Variants in GREB1L observed in about 807,000 individuals in gnomAD.
GREB1L encodes GREB1-like protein.
GREB1L carries 17 observed loss-of-function variants against 200.8 expected under a neutral mutation model. The ratio of observed to expected loss-of-function variants is 0.08; its 90% CI spans 0.06 to 0.13. GREB1L has a LOEUF of 0.13. Ranked by LOEUF, GREB1L falls within the 10% of genes least tolerant of loss-of-function variation. GREB1L has a pLI of 1.00. For synonymous variants in GREB1L, 789 were observed against 893.0 expected (o/e 0.88, Z 2.08); for missense variants, 1,657 against 2,367.7 (o/e 0.70, Z 6.23).
In GREB1L at chr18:21,312,847, C is replaced by T. The variant is rs142749803; in HGVS notation, c.-119-53180C>T. On this transcript the variant is annotated intron_variant, in intron 1 of 32. Coordinates refer to ENST00000424526, the MANE Select transcript of GREB1L (RefSeq NM_001142966.3). The stretch of plus-strand genomic sequence containing the variant: ...GATTACAGGTGTGAGCCACTGCACC[C>T]GGTCCAGTAATAACCATTCTGACTG... Among the ~76,000 whole-genome samples, 428 of 152,274 alleles carry T rather than the reference C, an allele frequency of 2.8e-3. 3 individuals are homozygous for T. Among genetic ancestry groups the T allele is most frequent in the African/African-American group, 9.7e-3 (405 of 41,556 alleles).
chr18:21,348,250 G>A (rs1229956837), intron 1 of GREB1L, among the ~76,000 whole-genome samples: 1 of 151,772 alleles, frequency 6.6e-6, no homozygotes. Flanking sequence ...TGGCTTGCTT[G>A]ACTCTTAAAT....
rs150662520 is a variant in GREB1L at position 21,319,913 on chromosome 18, G to A, written c.-119-46114G>A. Reference sequence around the variant, plus strand: ...CTAAAGAAAAAGCAAGGTGGTTGGAGCTAAATAAGGAATGCCCACAGAAAT... The same window carrying A: ...CTAAAGAAAAAGCAAGGTGGTTGGAACTAAATAAGGAATGCCCACAGAAAT... On this transcript the variant is annotated intron_variant, in intron 1 of 32. Transcript: ENST00000424526. 3.9e-5 allele frequency among the ~76,000 whole-genome samples: 6 copies of A among 152,330 alleles called. No individual in the cohort carries two copies. The East Asian group carries it at 1.2e-3, about 29-fold the overall frequency.
intron 1 of GREB1L, among the ~76,000 whole-genome samples, chr18:21,294,846 T>C (rs1598636792): frequency 6.6e-6 from 1 of 151,946 alleles, no homozygotes; most frequent in Non-Finnish European, 1.5e-5. Context: ...GACTGGAGAG[T>C]CAGGATTTGA....
At chr18:21,309,325 A>C (rs1273304079) in intron 1 of GREB1L, among the ~76,000 whole-genome samples, 1 of 152,222 alleles carries the variant, frequency 6.6e-6, no homozygotes, top group African/African-American at 2.4e-5. Context: ...CAGAAGACAC[A>C]GTATCAGGCA....
rs540168667 is a variant in GREB1L at position 21,378,248 on chromosome 18, T to C, written c.-9-5262T>C. Among the ~76,000 whole-genome samples the C allele has an allele frequency of 2.0e-5, 3 of 152,310 alleles. No homozygotes were observed. The South Asian group carries it at 6.2e-4, about 32-fold the overall frequency. On this transcript the variant is annotated intron_variant, in intron 2 of 32. Transcript: ENST00000424526. Reference sequence around the variant, plus strand: ...ATGGCATATGACATTTAGAATATATTACACAGACGTCCTTTGAACTCCACC... The same window carrying C: ...ATGGCATATGACATTTAGAATATATCACACAGACGTCCTTTGAACTCCACC...
At chr18:21,497,820 C>CG (rs1392626918) in intron 21 of GREB1L, among the ~76,000 whole-genome samples, 3 of 96,570 alleles carry the variant, frequency 3.1e-5, no homozygotes, top group Admixed American at 1.0e-4. Context: ...CACCCCCCCC[C>CG]CTTTTTTTTT....
chr18:21,259,304 T>C (rs1189935247), intron 1 of GREB1L, among the ~76,000 whole-genome samples: 1 of 152,214 alleles, frequency 6.6e-6, no homozygotes, highest in East Asian at 1.9e-4. Flanking sequence ...TTAAAAATAA[T>C]TTTCTCATAA....
At chr18:21,242,770 G>C (rs1251133803) in intron 1 of GREB1L, among the ~76,000 whole-genome samples, 2 of 152,110 alleles carry the variant, frequency 1.3e-5, no homozygotes, top group African/African-American at 4.8e-5. Flanking sequence ...GAGCTGCGGC[G>C]CGCCGAGTAG....
At chr18:21,340,624 C>A (rs1172629994) in intron 1 of GREB1L, among the ~76,000 whole-genome samples, 3 of 151,788 alleles carry the variant, frequency 2.0e-5, no homozygotes, top group Non-Finnish European at 4.4e-5. Context: ...CTCACTGCAA[C>A]CTCTGCCTCC....
intron 7 of GREB1L, among the ~76,000 whole-genome samples, chr18:21,430,860 T>C (rs913965698): frequency 1.3e-5 from 2 of 151,560 alleles, no homozygotes; most frequent in Non-Finnish European, 2.9e-5. Flanking sequence ...CCTCCCAAAG[T>C]GCTGGGATTA....
intron 19 of GREB1L, among the ~76,000 whole-genome samples, chr18:21,494,211 G>A (rs1039325735): frequency 6.6e-6 from 1 of 152,104 alleles, no homozygotes; most frequent in African/African-American, 2.4e-5. Flanking sequence ...TAAAACACGG[G>A]AAGTCTGTGA....
chr18:21,398,679 T>G (rs750483111), intron 5 of GREB1L, among the ~76,000 whole-genome samples: 1 of 152,238 alleles, frequency 6.6e-6, no homozygotes. Flanking sequence ...ATGTTTAAGC[T>G]TCCACTATTC....
rs906816315 is a variant in GREB1L at position 21,525,444 on chromosome 18, T to A, written c.*2623T>A. ...AAAAAGTTATTTTTTCTTTATAGTT[T>A]TCTGGCATGTTTGTTAAGAAAACAA... On this transcript the variant is annotated 3_prime_UTR_variant, in exon 33 of 33. Coordinates refer to ENST00000424526, the MANE Select transcript of GREB1L (RefSeq NM_001142966.3). 1 of 152,182 alleles carries A rather than the reference T, an allele frequency of 6.6e-6. No homozygotes were observed. Among genetic ancestry groups the A allele is most frequent in the Non-Finnish European group, 1.5e-5 (1 of 68,030 alleles). 9.4% of individuals were successfully genotyped at this position (152,182 alleles called of 1,614,324 possible).
chr18:21,493,258 G>T (rs1487458222), intron 19 of GREB1L, among the ~76,000 whole-genome samples: 2 of 152,140 alleles, frequency 1.3e-5, no homozygotes, highest in Non-Finnish European at 2.9e-5. Context: ...GTTATGTATT[G>T]TGGTTAACTT....
intron 7 of GREB1L, among the ~76,000 whole-genome samples, chr18:21,420,084 A>G (rs2032019961): frequency 6.6e-6 from 1 of 152,094 alleles, no homozygotes; most frequent in African/African-American, 2.4e-5. Context: ...ATGAAAAGAC[A>G]AGCCACAGAC....
chr18:21,410,946 G>A (rs1255707333), intron 7 of GREB1L, among the ~76,000 whole-genome samples: 1 of 151,684 alleles, frequency 6.6e-6, no homozygotes, highest in African/African-American at 2.4e-5. Context: ...ACAGAGCTAG[G>A]CTCTATCTTA....
chr18:21,329,686 G>T (rs923689598), intron 1 of GREB1L, among the ~76,000 whole-genome samples: 2 of 152,074 alleles, frequency 1.3e-5, no homozygotes, highest in African/African-American at 4.8e-5. Context: ...TTGACGAGAT[G>T]CCTTATGATG....
chr18:21,413,866 A>G (rs2031346912), intron 7 of GREB1L, among the ~76,000 whole-genome samples: 1 of 152,240 alleles, frequency 6.6e-6, no homozygotes, highest in Non-Finnish European at 1.5e-5. Flanking sequence ...CCCATAAGTA[A>G]TAACAGTGAA....
intron 1 of GREB1L, among the ~76,000 whole-genome samples, chr18:21,256,361 AG>A (rs1270984475): frequency 1.3e-5 from 2 of 152,324 alleles, no homozygotes; most frequent in Non-Finnish European, 2.9e-5. Context: ...GAGAATAGTT[AG>A]GTGTACATTT....
Sources: gnomAD v4.1 joint callset for allele counts (sites outside exome capture counted in the v4.1 genomes callset) on GRCh38, gnomAD v4.1.1 for gene constraint, MANE v1.5 for transcripts, NCBI Gene and HGNC (gene_info 2026-07-23, HGNC 2026-07-21) for gene names.